CARS1: variants seen among roughly 807,000 people sequenced by gnomAD.
The protein encoded by CARS1 is cysteine--tRNA ligase, cytoplasmic.
In CARS1, 48 loss-of-function variants were observed where a neutral mutation model predicts 106.2. The ratio of observed to expected loss-of-function variants is 0.45; its 90% CI spans 0.36 to 0.57. The LOEUF (loss-of-function observed/expected upper bound fraction) is 0.57, where lower values mean the gene tolerates loss of function less well. CARS1 is among the 20% of genes least tolerant of loss of function. The pLI is 0.00. For synonymous variants in CARS1, 409 were observed against 403.4 expected (o/e 1.01, Z -0.17); for missense variants, 968 against 1,057.2 (o/e 0.92, Z 1.17).
At position 3,029,587 on chromosome 11, in the gene CARS1, T is replaced by C. The variant is rs1315903935; in HGVS notation, c.802-144A>G. On this transcript the variant is annotated intron_variant, in intron 7 of 22. Transcript: ENST00000380525. The surrounding 1 kb of genome is among the most constrained non-coding windows in gnomAD (Gnocchi z 5.9). ...AAGAGCCACCGTCTCCTAGGGAGAC[T>C]GTGATGCTTACACAACTGGCTCGGC... The C allele has an allele frequency of 5.2e-6, 4 of 771,106 alleles. No individual in the cohort carries two copies. Among genetic ancestry groups the C allele is most frequent in the South Asian group, 3.7e-5 (2 of 53,882 alleles). 47.8% of individuals were successfully genotyped at this position (771,106 alleles called of 1,614,324 possible). A position where few individuals can be genotyped will look rare whatever the true frequency, so the allele number is the denominator to read the frequency against.
rs1855297610 is a variant in CARS1 at position 3,048,092 on chromosome 11, C to G, written c.26-91G>C. ...CAGGGACTAGGGGATGGCACAGAAC[C>G]AAGGAAAAAGGTGTTCAAGCCCTTC... On this transcript the variant is annotated intron_variant, in intron 1 of 22. Coordinates refer to ENST00000380525, the MANE Select transcript of CARS1 (RefSeq NM_001014437.3). This position sits in a 1 kb window ranked among gnomAD's most constrained non-coding sequence, Gnocchi z 5.1. 2.0e-6 allele frequency: 3 copies of G among 1,491,736 alleles called. No individual in the cohort carries two copies. In the East Asian group the frequency reaches 6.9e-5, roughly 34 times the overall value. The allele number at this position is 1,491,736 out of a possible 1,614,324, so 92.4% of individuals were successfully genotyped here. A position where few individuals can be genotyped will look rare whatever the true frequency, so the allele number is the denominator to read the frequency against.
At chr11:3,033,234 T>C (rs190340082) in intron 7 of CARS1, among the ~76,000 whole-genome samples, 1 of 152,040 alleles carries the variant, frequency 6.6e-6, no homozygotes, top group African/African-American at 2.4e-5. Context: ...TATAGCTAAG[T>C]GGATGGCATG....
In CARS1 at chr11:3,028,971, C is replaced by G. The variant is rs938863061; in HGVS notation, c.1031+25G>C. The G allele has an allele frequency of 1.1e-5, 17 of 1,538,512 alleles. No individual in the cohort carries two copies. Among genetic ancestry groups the G allele is most frequent in the Non-Finnish European group, 2.7e-6 (3 of 1,111,404 alleles). ...GTGCGATGTTCTGCAGCCCTTCCCT[C>G]CCTAGGGAAGGCCCTTGTGCTTACC... On this transcript the variant is annotated intron_variant, in intron 9 of 22. Coordinates refer to ENST00000380525, the MANE Select transcript of CARS1 (RefSeq NM_001014437.3). The surrounding 1 kb of genome is among the most constrained non-coding windows in gnomAD (Gnocchi z 4.4).
intron 17 of CARS1, among the ~76,000 whole-genome samples, chr11:3,013,160 C>G (rs1482440630): frequency 7.0e-6 from 1 of 142,812 alleles, no homozygotes; most frequent in Non-Finnish European, 1.5e-5. Flanking sequence ...AGCATTTCCC[C>G]TTTTTTTTTT....
rs774098640 is a variant in CARS1 at position 3,054,170 on chromosome 11, A to G, written c.25+3173T>C. On this transcript the variant is annotated intron_variant, in intron 1 of 22. Coordinates refer to ENST00000380525, the MANE Select transcript of CARS1 (RefSeq NM_001014437.3). ...CCCACAGGTGAGGGCTTCCCCTCCCACTCCCCGTCCTGATCACCAGCCCCG... is the reference window on the plus strand; with the variant it reads ...CCCACAGGTGAGGGCTTCCCCTCCCGCTCCCCGTCCTGATCACCAGCCCCG... Among the ~76,000 whole-genome samples, 62 of 151,588 alleles carry G rather than the reference A, an allele frequency of 4.1e-4. 2 individuals carry two copies. Among genetic ancestry groups the G allele is most frequent in the Admixed American group, 4.6e-4 (7 of 15,234 alleles).
rs1174382133 is a variant in CARS1 at position 3,047,800 on chromosome 11, A to G, written c.227T>C (p.Leu76Pro). Residue 76 changes from leucine to proline, a missense_variant, in exon 2 of 23, where the codon CTC becomes CCC. Physicochemically the swap from Leu to Pro is moderately conservative, Grantham distance 98. Transcript: ENST00000380525. The stretch of plus-strand genomic sequence containing the variant: ...GCCTTTGCCACAGGGGCTACCCAGG[A>G]GCGCTTCTATGTGCCTGAACCACCG... ...VARWFRHIEA[L>P]LGSPCGKGQP... 3 of 1,613,950 alleles carry G rather than the reference A, an allele frequency of 1.9e-6. No homozygotes were observed. Among genetic ancestry groups the G allele is most frequent in the Non-Finnish European group, 1.7e-6 (2 of 1,179,974 alleles).
rs1219152365 is a variant in CARS1, at chr11:3,028,679, A to C, written c.1031+317T>G. ...TCAAAATGTCTACGCAATGGCACTG[A>C]TGTCTGTGAAGGCCCAGCAGTATTC... On this transcript the variant is annotated intron_variant, in intron 9 of 22. Transcript: ENST00000380525. The surrounding 1 kb of genome is among the most constrained non-coding windows in gnomAD (Gnocchi z 4.4). 2.5e-6 allele frequency: 1 copy of C among 406,200 alleles called. No homozygotes were observed. The highest frequency in any genetic ancestry group is 2.0e-5 in the African/African-American group (1 of 49,334). The allele number at this position is 406,200 out of a possible 1,614,324, so 25.2% of individuals were successfully genotyped here. A position where few individuals can be genotyped will look rare whatever the true frequency, so the allele number is the denominator to read the frequency against.
At position 3,046,438 on chromosome 11, in the gene CARS1, G is replaced by A. The variant is rs888130317; in HGVS notation, c.274+1315C>T. On this transcript the variant is annotated intron_variant, in intron 2 of 22. Transcript: ENST00000380525. This position sits in a 1 kb window ranked among gnomAD's most constrained non-coding sequence, Gnocchi z 5.8. ...CAGCACAGGTGTCACTTGGGTGACC[G>A]CGCTGGAGGCTCAGGCAGGAACGGC... is the stretch of plus-strand genomic sequence containing the variant. Among the ~76,000 whole-genome samples the A allele has an allele frequency of 7.2e-5, 11 of 152,194 alleles. No individual in the cohort carries two copies. Among genetic ancestry groups the A allele is most frequent in the Non-Finnish European group, 1.2e-4 (8 of 68,042 alleles).
intron 14 of CARS1, 181 bp downstream of exon 14, chr11:3,018,227 G>A (rs185919098): frequency 1.3e-5 from 8 of 614,312 alleles, no homozygotes; most frequent in Admixed American, 8.8e-5. Context: ...CTGCTGAGCC[G>A]TCAGCCATTT....
Position 3,019,341 on chromosome 11 carries a change from G to A in CARS1, c.1267-74C>T. 2.3e-6 allele frequency: 3 copies of A among 1,323,592 alleles called. No homozygotes were observed. The highest frequency in any genetic ancestry group is 2.9e-6 in the Non-Finnish European group (3 of 1,025,852). 82.0% of individuals were successfully genotyped at this position (1,323,592 alleles called of 1,614,324 possible). ...AGGCCTTTATCACTTATCACTCCAAGTTGATGGCCCTTACATCCTCTGAAC... is the reference window on the plus strand; with the variant it reads ...AGGCCTTTATCACTTATCACTCCAAATTGATGGCCCTTACATCCTCTGAAC... On this transcript the variant is annotated intron_variant, in intron 11 of 22. Coordinates refer to ENST00000380525, the MANE Select transcript of CARS1 (RefSeq NM_001014437.3). The surrounding 1 kb of genome is among the most constrained non-coding windows in gnomAD (Gnocchi z 6.2).
chr11:3,053,761 T>C lies in CARS1; in HGVS notation c.25+3582A>G, dbSNP rs900296184. ...GCTTCCCCATGGGTGGAAAGCTTGC[T>C]AAAATGCAGACCCCTTTACAGCAGG... On this transcript the variant is annotated intron_variant, in intron 1 of 22. Transcript: ENST00000380525. The surrounding 1 kb of genome is among the most constrained non-coding windows in gnomAD (Gnocchi z 6.6). Among the ~76,000 whole-genome samples, 1 of 152,148 alleles carries C rather than the reference T, an allele frequency of 6.6e-6. No homozygotes were observed. The highest frequency in any genetic ancestry group is 1.9e-4 in the East Asian group (1 of 5,166).
rs563538203 is a variant in CARS1 at position 3,043,939 on chromosome 11, G to A, written c.275-1683C>T. Among the ~76,000 whole-genome samples the A allele has an allele frequency of 1.3e-5, 2 of 152,148 alleles. No individual in the cohort carries two copies. The highest frequency in any genetic ancestry group is 4.8e-5 in the African/African-American group (2 of 41,436). On this transcript the variant is annotated intron_variant, in intron 2 of 22. Coordinates refer to ENST00000380525, the MANE Select transcript of CARS1 (RefSeq NM_001014437.3). The surrounding 1 kb of genome is among the most constrained non-coding windows in gnomAD (Gnocchi z 4.0). ...GTCACAGGTGGTCAGATTCTAAAGC[G>A]TAGGCAATCTCCAATCTTAATCAAA...
Position 3,019,285 on chromosome 11 carries a change from C to A in CARS1, c.1267-18G>T. ...GGACGACCCTGGAGAAAGCCGAACA[C>A]ACAGTGACTGACCAGCCTACCCGCT... On this transcript the variant is annotated intron_variant, in intron 11 of 22. Transcript: ENST00000380525. This position sits in a 1 kb window ranked among gnomAD's most constrained non-coding sequence, Gnocchi z 6.2. 7.2e-7 allele frequency: 1 copy of A among 1,394,106 alleles called. No individual in the cohort carries two copies. 86.4% of individuals were successfully genotyped at this position (1,394,106 alleles called of 1,614,324 possible). A position where few individuals can be genotyped will look rare whatever the true frequency, so the allele number is the denominator to read the frequency against.
chr11:3,015,939 GA>G (rs1290668431), intron 16 of CARS1, 90 bp from the exon 17 acceptor site: 4 of 1,110,098 alleles, frequency 3.6e-6, no homozygotes, highest in Non-Finnish European at 5.5e-6. Context: ...TCGTTCACGG[GA>G]GGGGGTGCCC....
chr11:3,053,639 G>C lies in CARS1; in HGVS notation c.25+3704C>G, dbSNP rs1855905325. ...TGGCCCTGGTGTGCCTTCAGCAGCA[G>C]AACCTGGGGGATCCAGAGAAGTCAC... is the stretch of plus-strand genomic sequence containing the variant. On this transcript the variant is annotated intron_variant, in intron 1 of 22. Transcript: ENST00000380525. The surrounding 1 kb of genome is among the most constrained non-coding windows in gnomAD (Gnocchi z 6.6). Among the ~76,000 whole-genome samples, 1 of 152,178 alleles carries C rather than the reference G, an allele frequency of 6.6e-6. No homozygotes were observed. The highest frequency in any genetic ancestry group is 2.4e-5 in the African/African-American group (1 of 41,430).
At position 3,025,508 on chromosome 11, in the gene CARS1, G is replaced by A. The variant is rs758440637; in HGVS notation, c.1153+1168C>T. 4.6e-5 allele frequency among the ~76,000 whole-genome samples: 7 copies of A among 152,348 alleles called. No individual in the cohort carries two copies. In the East Asian group the frequency reaches 1.3e-3, roughly 29 times the overall value. ...CTCCAAAAGTGCTGGGATTATAGGC[G>A]TGAGCCACCGCACCTTTATTTTAGG... On this transcript the variant is annotated intron_variant, in intron 10 of 22. Coordinates refer to ENST00000380525, the MANE Select transcript of CARS1 (RefSeq NM_001014437.3).
At chr11:3,010,165 G>A (rs74644897) in intron 18 of CARS1, among the ~76,000 whole-genome samples, 2,449 of 152,350 alleles carry the variant, frequency 0.016, 74 homozygotes, top group African/African-American at 0.056. Context: ...CTCCAGGCCT[G>A]AGCAAGTCCT....
In CARS1 at chr11:3,038,220, C is replaced by T; in HGVS notation, c.652-21G>A. ...AATGGCTGCAACCATAAAGAGACGT[C>T]AAATCTATTAGATACTGCTCAGCAA... On this transcript the variant is annotated intron_variant, in intron 6 of 22. Coordinates refer to ENST00000380525, the MANE Select transcript of CARS1 (RefSeq NM_001014437.3). The surrounding 1 kb of genome is among the most constrained non-coding windows in gnomAD (Gnocchi z 4.0). 1 of 1,610,518 alleles carries T rather than the reference C, an allele frequency of 6.2e-7. No individual in the cohort carries two copies. Among genetic ancestry groups the T allele is most frequent in the Non-Finnish European group, 8.5e-7 (1 of 1,177,040 alleles).
chr11:3,002,540 C>T lies in CARS1; in HGVS notation c.2277+1G>A, dbSNP rs755677406. 1.2e-6 allele frequency: 2 copies of T among 1,614,074 alleles called. No homozygotes were observed. On this transcript the variant is annotated splice_donor_variant, in intron 21 of 22. Coordinates refer to ENST00000380525, the MANE Select transcript of CARS1 (RefSeq NM_001014437.3). LOFTEE classifies it high-confidence loss of function. ...CCTCACCCCCAAACAAAATGCATTACTTCTTGTTCCTGTTTCCTCCGGGCC... is the reference window on the plus strand; with the variant it reads ...CCTCACCCCCAAACAAAATGCATTATTTCTTGTTCCTGTTTCCTCCGGGCC...
Sources: allele counts gnomAD v4.1 joint callset (sites outside exome capture counted in the v4.1 genomes callset), GRCh38; gene constraint gnomAD v4.1.1; non-coding constraint Gnocchi (gnomAD v3.1); transcripts MANE v1.5; gene names NCBI Gene and HGNC (gene_info 2026-07-23, HGNC 2026-07-21).